Variants in USP9X observed in about 807,000 individuals in gnomAD.
USP9X encodes the protein ubiquitin specific peptidase 9 X-linked.
Under a neutral mutation model 190.3 loss-of-function variants are expected in USP9X, and 7 were observed. The ratio of observed to expected loss-of-function variants is 0.04; its 90% CI spans 0.02 to 0.07. The LOEUF is 0.07. USP9X is among the 10% of genes least tolerant of loss of function. USP9X has a pLI of 1.00. For missense variants in USP9X, 1,010 were observed against 1,916.9 expected, an observed-to-expected ratio of 0.53 and a Z score of 8.83; for synonymous variants, 645 against 659.5, an observed-to-expected ratio of 0.98 and a Z score of 0.34.
At chrX:41,208,493 A>G (rs1216419785) in intron 32 of USP9X, among the ~76,000 whole-genome samples, 1 of 111,864 alleles carries the variant, frequency 8.9e-6, no homozygotes, top group African/African-American at 3.2e-5. Flanking sequence ...TACTCTTGAC[A>G]CAAGCGGGTT....
intron 13 of USP9X, among the ~76,000 whole-genome samples, chrX:41,152,349 C>G (rs1275157853): frequency 8.9e-6 from 1 of 111,800 alleles, no homozygotes; most frequent in Non-Finnish European, 1.9e-5. Context: ...CTCCCAAGAA[C>G]AGTGGCCTTG....
rs1305272598 is a variant in USP9X, at chrX:41,148,358, T to A, written c.1420-11T>A. 1 of 1,210,158 alleles carries A rather than the reference T, an allele frequency of 8.3e-7. No individual in the cohort carries two copies. The highest frequency in any genetic ancestry group is 2.2e-5 in the Admixed American group (1 of 45,971). Reference sequence around the variant, plus strand: ...TATGTGTTGTTTTCATGTCACTTAATTTTTTTCTAGGCCAGTTGGACAAAT... The same window carrying A: ...TATGTGTTGTTTTCATGTCACTTAAATTTTTTCTAGGCCAGTTGGACAAAT... On this transcript the variant is annotated splice_polypyrimidine_tract_variant and intron_variant, in intron 11 of 44. Transcript: ENST00000378308.
At chrX:41,150,810 G>A (rs2062517935) in intron 12 of USP9X, 111 bp from the exon 13 acceptor site, 1 of 754,246 alleles carries the variant, frequency 1.3e-6, no homozygotes, top group Non-Finnish European at 1.9e-6. Context: ...CATGATGCTT[G>A]TATTGCTAAT....
chrX:41,214,452 T>G (rs1602044106), intron 33 of USP9X, 116 bp from the exon 34 acceptor site: 1 of 709,965 alleles, frequency 1.4e-6, no homozygotes, highest in East Asian at 4.1e-5. Flanking sequence ...TGTGGACATG[T>G]ACCCTAGAAC....
At chrX:41,194,845 A>G (rs752544729) in intron 26 of USP9X, among the ~76,000 whole-genome samples, 82 of 110,795 alleles carry the variant, frequency 7.4e-4, no homozygotes, top group Non-Finnish European at 3.2e-4. Flanking sequence ...CTAGGTTCCA[A>G]TGGCACAGTT....
chrX:41,203,169 CTGT>C (rs201510090), intron 31 of USP9X, among the ~76,000 whole-genome samples: 3,863 of 112,024 alleles, frequency 0.034, 162 homozygotes, highest in African/African-American at 0.12. Context: ...ACCACTACTT[CTGT>C]TGTTTTTTAA....
intron 33 of USP9X, among the ~76,000 whole-genome samples, chrX:41,213,212 G>A (rs1229087209): frequency 9.0e-6 from 1 of 111,264 alleles, no homozygotes; most frequent in Non-Finnish European, 1.9e-5. Flanking sequence ...CAGGAGGATC[G>A]CTTGAGCCCA....
At chrX:41,201,414 C>T (rs911921018) in intron 31 of USP9X, 134 bp downstream of exon 31, 10 of 603,575 alleles carry the variant, frequency 1.7e-5, no homozygotes, top group Non-Finnish European at 2.5e-5. Flanking sequence ...GCCGAGCACA[C>T]ACCTGTGGTC....
intron 16 of USP9X, 60 bp downstream of exon 16, chrX:41,166,274 G>C: frequency 1.2e-6 from 1 of 861,548 alleles, no homozygotes; most frequent in Non-Finnish European, 1.6e-6. Context: ...TGTACGTAAG[G>C]AATTGTAATT....
At chrX:41,140,906 T>A in intron 7 of USP9X, 60 bp from the exon 8 acceptor site, 2 of 1,109,368 alleles carry the variant, frequency 1.8e-6, no homozygotes, top group Non-Finnish European at 2.4e-6. Flanking sequence ...AAGAATTTAG[T>A]CCTAAATTGA....
chrX:41,221,850 CAGTG>C (rs2063266496), intron 38 of USP9X, among the ~76,000 whole-genome samples: 1 of 111,069 alleles, frequency 9.0e-6, no homozygotes, highest in South Asian at 3.8e-4. Context: ...GGAGAACTGG[CAGTG>C]AGGGAGATAC....
intron 26 of USP9X, among the ~76,000 whole-genome samples, chrX:41,195,121 C>T (rs1462840848): frequency 9.2e-6 from 1 of 109,170 alleles, no homozygotes; most frequent in Non-Finnish European, 1.9e-5. Flanking sequence ...ACTGCAACCT[C>T]CGCCTTCCGG....
chrX:41,089,897 A>G (rs2061941430), intron 1 of USP9X, among the ~76,000 whole-genome samples: 1 of 67,224 alleles, frequency 1.5e-5, no homozygotes, highest in South Asian at 1.0e-3. Context: ...TTTAGGATCT[A>G]TGAGGGTTTT....
At chrX:41,095,155 C>T (rs1428391783) in intron 1 of USP9X, among the ~76,000 whole-genome samples, 1 of 111,478 alleles carries the variant, frequency 9.0e-6, no homozygotes, top group African/African-American at 3.3e-5. Flanking sequence ...AAAGATGATT[C>T]TCTGCTTTCA....
Position 41,212,941 on chromosome X carries a change from A to G in USP9X, c.5190-1627A>G, listed in dbSNP as rs757526938. ...CCTTTTATATTAGGTGAACAATAAA[A>G]TAAAATTTTAACCTTGTTTTTAATT... On this transcript the variant is annotated intron_variant, in intron 33 of 44. Transcript: ENST00000378308. 4.4e-5 allele frequency among the ~76,000 whole-genome samples: 5 copies of G among 112,371 alleles called. No individual in the cohort carries two copies. In the East Asian group the frequency reaches 1.4e-3, roughly 31 times the overall value.
intron 14 of USP9X, among the ~76,000 whole-genome samples, chrX:41,161,170 A>G (rs1384643049): frequency 9.0e-6 from 1 of 110,870 alleles, no homozygotes; most frequent in Non-Finnish European, 1.9e-5. Context: ...TGAAGTATTT[A>G]AGGGTAAAAG....
intron 10 of USP9X, among the ~76,000 whole-genome samples, chrX:41,144,139 C>T (rs1314668628): frequency 9.0e-6 from 1 of 110,594 alleles, no homozygotes; most frequent in Non-Finnish European, 1.9e-5. Context: ...CGCCAAAATA[C>T]ACATTAGCTG....
chrX:41,182,637 C>T lies in USP9X; in HGVS notation c.3149-1361C>T, dbSNP rs182728199. On this transcript the variant is annotated intron_variant, in intron 21 of 44. Coordinates refer to ENST00000378308, the MANE Select transcript of USP9X (RefSeq NM_001039591.3). Reference sequence around the variant, plus strand: ...ATTATAAAAATTCAGCTGCTAGGATCTTTGATGTTTAAAAAGGTGAGGGGA... The same window carrying T: ...ATTATAAAAATTCAGCTGCTAGGATTTTTGATGTTTAAAAAGGTGAGGGGA... Among the ~76,000 whole-genome samples, 3 of 110,467 alleles carry T rather than the reference C, an allele frequency of 2.7e-5. No individual in the cohort carries two copies. The East Asian group carries it at 8.4e-4, about 31-fold the overall frequency.
intron 41 of USP9X, 71 bp from the exon 42 acceptor site, chrX:41,229,182 A>G: frequency 3.6e-6 from 3 of 823,803 alleles, no homozygotes; most frequent in Non-Finnish European, 5.0e-6. Context: ...TGAGTGGCAC[A>G]TAGTAGGCAC....
Sources: gnomAD v4.1 joint callset for allele counts (sites outside exome capture counted in the v4.1 genomes callset) on GRCh38, gnomAD v4.1.1 for gene constraint, MANE v1.5 for transcripts, NCBI Gene and HGNC (gene_info 2026-07-23, HGNC 2026-07-21) for gene names.